Variants in PRDM2 observed in about 807,000 individuals in gnomAD.
The protein encoded by PRDM2 is PR domain zinc finger protein 2.
PRDM2 carries 30 observed loss-of-function variants against 130.0 expected under a neutral mutation model. That is an observed-to-expected ratio of 0.23 (90% CI 0.17 to 0.31). PRDM2 has a LOEUF of 0.31. Ranked by LOEUF, PRDM2 falls within the 10% of genes least tolerant of loss-of-function variation. The pLI is 1.00. For missense variants in PRDM2, 2,011 were observed against 2,108.4 expected (o/e 0.95, Z 0.90); for synonymous variants, 871 against 782.4 (o/e 1.11, Z -1.89).
intron 7 of PRDM2, among the ~76,000 whole-genome samples, chr1:13,776,821 T>C (rs1194777290): frequency 1.3e-5 from 2 of 152,150 alleles, no homozygotes; most frequent in African/African-American, 4.8e-5. Flanking sequence ...CCAGCCTCAG[T>C]CGTGGAGTCA....
At chr1:13,813,108 C>A (rs1645199653) in intron 8 of PRDM2, among the ~76,000 whole-genome samples, 1 of 152,202 alleles carries the variant, frequency 6.6e-6, no homozygotes. Flanking sequence ...GTGCTGATAC[C>A]TACTGGAGTG....
At chr1:13,762,975 A>G (rs556441344) in intron 6 of PRDM2, among the ~76,000 whole-genome samples, 2 of 152,354 alleles carry the variant, frequency 1.3e-5, no homozygotes, top group African/African-American at 4.8e-5. Flanking sequence ...CTGTGCTGGA[A>G]TAAAAGTGCC....
intron 6 of PRDM2, among the ~76,000 whole-genome samples, chr1:13,754,698 C>T (rs1643907619): frequency 1.3e-5 from 2 of 152,240 alleles, no homozygotes; most frequent in Admixed American, 6.5e-5. Flanking sequence ...AGCTGAATGA[C>T]AGAGGCCTGG....
At chr1:13,792,540 G>T (rs1644856662) in intron 8 of PRDM2, among the ~76,000 whole-genome samples, 1 of 152,168 alleles carries the variant, frequency 6.6e-6, no homozygotes, top group Admixed American at 6.5e-5. Context: ...CCCAGCTAGA[G>T]TTTAGAACAT....
chr1:13,723,872 CTG>C (rs923772734), intron 2 of PRDM2, among the ~76,000 whole-genome samples: 1 of 152,220 alleles, frequency 6.6e-6, no homozygotes, highest in African/African-American at 2.4e-5. Flanking sequence ...GCTGGGCACT[CTG>C]TGCCAGGCTG....
intron 8 of PRDM2, chr1:13,783,304 C>A: frequency 2.7e-6 from 1 of 375,802 alleles, no homozygotes; most frequent in Non-Finnish European, 5.2e-6. Context: ...CACTTTCTTT[C>A]AGAATTGCCA....
intron 6 of PRDM2, among the ~76,000 whole-genome samples, chr1:13,759,321 C>T (rs1309572701): frequency 6.6e-6 from 1 of 152,136 alleles, no homozygotes. Context: ...TTTAGAACCC[C>T]AAGACGGAAT....
chr1:13,769,114 C>G, intron 6 of PRDM2: 2 of 984,354 alleles, frequency 2.0e-6, no homozygotes, highest in Middle Eastern at 5.2e-4. Flanking sequence ...TCTTTCTTGT[C>G]TAGACCAAGC....
intron 6 of PRDM2, among the ~76,000 whole-genome samples, chr1:13,762,441 C>T (rs929552274): frequency 4.6e-5 from 7 of 152,128 alleles, no homozygotes; most frequent in Non-Finnish European, 7.4e-5. Flanking sequence ...GCAGGGAGCA[C>T]GAGTAACCTT....
At chr1:13,793,846 AG>A (rs1557664086) in intron 8 of PRDM2, among the ~76,000 whole-genome samples, 1 of 151,386 alleles carries the variant, frequency 6.6e-6, no homozygotes, top group Non-Finnish European at 1.5e-5. Flanking sequence ...CAAAAAAAAA[AG>A]TTAGTGTTTT....
intron 1 of PRDM2, among the ~76,000 whole-genome samples, chr1:13,710,371 G>T (rs949813841): frequency 6.6e-6 from 1 of 152,164 alleles, no homozygotes; most frequent in African/African-American, 2.4e-5. Context: ...TAGTGTCTTA[G>T]TAATGACTCA....
At chr1:13,740,174 A>G (rs1643394954) in intron 4 of PRDM2, among the ~76,000 whole-genome samples, 1 of 152,238 alleles carries the variant, frequency 6.6e-6, no homozygotes, top group South Asian at 2.1e-4. Context: ...AAATGGCTGT[A>G]TTGACCTGAG....
intron 8 of PRDM2, among the ~76,000 whole-genome samples, chr1:13,811,449 C>T (rs1435598451): frequency 6.6e-6 from 1 of 152,190 alleles, no homozygotes; most frequent in African/African-American, 2.4e-5. Flanking sequence ...CACAGGCTGT[C>T]CTTGTGCCAG....
At chr1:13,763,491 G>A (rs1172571941) in intron 6 of PRDM2, among the ~76,000 whole-genome samples, 1 of 152,208 alleles carries the variant, frequency 6.6e-6, no homozygotes, top group Admixed American at 6.5e-5. Flanking sequence ...TGGGGATTGT[G>A]GTTTTTTTCC....
rs142531525 is a variant in PRDM2, at chr1:13,780,550, C to G, written c.2755C>G (p.Leu919Val). 1 of 1,614,016 alleles carries G rather than the reference C, an allele frequency of 6.2e-7. No homozygotes were observed. The highest frequency in any genetic ancestry group is 1.3e-5 in the African/African-American group (1 of 74,878). ...CAGGAGCCCAAGTCCTTGTAAATCC[C>G]TAGAAGCTCAGCCAGATCCTGACCT... ...GTRSPSPCKS[L>V]EAQPDPDLGP... Residue 919 changes from leucine (L) to valine (V), a missense_variant, in exon 8 of 10, where the codon CTA (leucine) becomes GTA (valine). Around this residue, in one of 5 missense-constraint regions of PRDM2, gnomAD observed 1,288 missense variants for 1,237.7 expected, o/e 1.04. Coordinates refer to ENST00000311066, the MANE Select transcript of PRDM2 (RefSeq NM_001393986.1).
At chr1:13,816,743 G>A (rs950595750) in intron 9 of PRDM2, among the ~76,000 whole-genome samples, 173 bp downstream of exon 9, 7 of 152,154 alleles carry the variant, frequency 4.6e-5, no homozygotes, top group Admixed American at 6.5e-5. Context: ...TGCAGACTCC[G>A]GACCACTTGT....
intron 6 of PRDM2, among the ~76,000 whole-genome samples, chr1:13,765,451 G>A (rs1433106879): frequency 2.0e-5 from 3 of 151,858 alleles, no homozygotes; most frequent in Non-Finnish European, 4.4e-5. Context: ...CTCACACATA[G>A]CATCACTTGG....
intron 6 of PRDM2, among the ~76,000 whole-genome samples, chr1:13,754,967 G>C (rs1277801896): frequency 6.6e-6 from 1 of 152,138 alleles, no homozygotes; most frequent in African/African-American, 2.4e-5. Context: ...CTTTCTGGCT[G>C]CCTCCTAGCT....
chr1:13,770,335 CAGTT>C, intron 6 of PRDM2: 1 of 491,834 alleles, frequency 2.0e-6, no homozygotes, highest in Non-Finnish European at 4.1e-6. Flanking sequence ...ATGTTTTAGA[CAGTT>C]ATGTGATTTC....
Sources: allele counts gnomAD v4.1 joint callset (sites outside exome capture counted in the v4.1 genomes callset), GRCh38; gene constraint gnomAD v4.1.1; regional missense constraint gnomAD v4.1.1; transcripts MANE v1.5; gene names NCBI Gene and HGNC (gene_info 2026-07-23, HGNC 2026-07-21).